The following ZNF793 variants were observed in gnomAD, a reference collection of about 807,000 sequenced individuals.
ZNF793 encodes zinc finger protein 793.
A neutral mutation model predicts 12.4 loss-of-function variants in ZNF793; 5 were observed. That is an observed-to-expected ratio of 0.40 (90% CI 0.21 to 0.84). The LOEUF is 0.84. Among genes scored for constraint, ZNF793 ranks in the 40% least tolerant of loss-of-function variants. The pLI is 0.35. For missense variants in ZNF793, 456 were observed against 495.0 expected (o/e 0.92, Z 0.75); for synonymous variants, 162 against 172.4 (o/e 0.94, Z 0.47).
chr19:37,515,083 T>A (rs2042320734), intron 2 of ZNF793, among the ~76,000 whole-genome samples: 1 of 152,218 alleles, frequency 6.6e-6, no homozygotes, highest in Non-Finnish European at 1.5e-5. Flanking sequence ...CTTCCCTGCT[T>A]TGATTTGCTT....
In ZNF793 at chr19:37,519,027, G is replaced by A. The variant is rs1322768501; in HGVS notation, c.-275-1157G>A. On this transcript the variant is annotated intron_variant, in intron 2 of 7. Coordinates refer to ENST00000627814, the MANE Select transcript of ZNF793 (RefSeq NM_001013659.3). ...CACGCCTGTAATCTCAGCACTTTCC[G>A]AGGCCGAGGTGGGCGGATCACGAGG... is the stretch of plus-strand genomic sequence containing the variant. Among the ~76,000 whole-genome samples, 7 of 152,120 alleles carry A rather than the reference G, an allele frequency of 4.6e-5. No individual in the cohort carries two copies. In the East Asian group the frequency reaches 1.4e-3, roughly 29 times the overall value.
In ZNF793 at chr19:37,542,040, C is replaced by G. The variant is rs1181889769; in HGVS notation, c.*4161C>G. 5.2e-5 allele frequency: 8 copies of G among 153,926 alleles called. 1 individual carries two copies. The South Asian group carries it at 1.4e-3, about 27-fold the overall frequency. 9.5% of individuals were successfully genotyped at this position (153,926 alleles called of 1,614,324 possible). On this transcript the variant is annotated 3_prime_UTR_variant, in exon 8 of 8. Coordinates refer to ENST00000627814, the MANE Select transcript of ZNF793 (RefSeq NM_001013659.3). ...CTATCAGAACAAAAGATGTTACACA[C>G]TGCTGGTGGAGAAATAAATTTTGAA...
intron 7 of ZNF793, chr19:37,536,299 C>T (rs777850996): frequency 3.0e-5 from 12 of 396,018 alleles, no homozygotes; most frequent in Non-Finnish European, 4.9e-5. Context: ...TTGGAATCAC[C>T]GGGGCATCTT....
rs1242804182 is a variant in ZNF793, at chr19:37,538,344, T to C, written c.*465T>C. On this transcript the variant is annotated 3_prime_UTR_variant, in exon 8 of 8. Transcript: ENST00000627814. Reference sequence around the variant, plus strand: ...TTCCCAGGCTGGAGTGCAATGGCACTATCTCGGCTCACTGTAACCTCAGCC... The same window carrying C: ...TTCCCAGGCTGGAGTGCAATGGCACCATCTCGGCTCACTGTAACCTCAGCC... 1.3e-5 allele frequency: 2 copies of C among 153,252 alleles called. No homozygotes were observed. Among genetic ancestry groups the C allele is most frequent in the South Asian group, 2.0e-4 (1 of 4,914 alleles). The allele number at this position is 153,252 out of a possible 1,614,324, so 9.5% of individuals were successfully genotyped here. A position where few individuals can be genotyped will look rare whatever the true frequency, so the allele number is the denominator to read the frequency against.
chr19:37,527,801 A>G (rs1309599246), intron 5 of ZNF793, among the ~76,000 whole-genome samples: 1 of 152,316 alleles, frequency 6.6e-6, no homozygotes, highest in East Asian at 1.9e-4. Context: ...TCATTGTTAC[A>G]ATTACAGCAA....
intron 3 of ZNF793, among the ~76,000 whole-genome samples, chr19:37,520,909 C>T (rs1209021215): frequency 3.3e-5 from 5 of 151,778 alleles, no homozygotes; most frequent in East Asian, 1.9e-4. Flanking sequence ...TTTTTTGAGA[C>T]GGAGTTTCAC....
intron 7 of ZNF793, chr19:37,536,480 G>T (rs2042505766): frequency 2.5e-6 from 1 of 405,226 alleles, no homozygotes; most frequent in East Asian, 3.5e-5. Flanking sequence ...AGCAAACTGT[G>T]GCCTACCGAT....
Position 37,540,660 on chromosome 19 carries a change from A to G in ZNF793, c.*2781A>G, listed in dbSNP as rs2042546337. The G allele has an allele frequency of 6.6e-6, 1 of 152,010 alleles. No individual in the cohort carries two copies. The highest frequency in any genetic ancestry group is 6.6e-5 in the Admixed American group (1 of 15,210). 9.4% of individuals were successfully genotyped at this position (152,010 alleles called of 1,614,324 possible). On this transcript the variant is annotated 3_prime_UTR_variant, in exon 8 of 8. Coordinates refer to ENST00000627814, the MANE Select transcript of ZNF793 (RefSeq NM_001013659.3). ...TGGCTTAGAGATTCCAGTGAAGGCAATAAAAAGAAATGAATTGGTATAAAC... is the reference window on the plus strand; with the variant it reads ...TGGCTTAGAGATTCCAGTGAAGGCAGTAAAAAGAAATGAATTGGTATAAAC...
In ZNF793 at chr19:37,543,073, T is replaced by G. The variant is rs2042561870; in HGVS notation, c.*5194T>G. The G allele has an allele frequency of 6.6e-6, 1 of 152,146 alleles. No homozygotes were observed. Among genetic ancestry groups the G allele is most frequent in the Non-Finnish European group, 1.5e-5 (1 of 68,012 alleles). The allele number at this position is 152,146 out of a possible 1,614,324, so 9.4% of individuals were successfully genotyped here. A position where few individuals can be genotyped will look rare whatever the true frequency, so the allele number is the denominator to read the frequency against. On this transcript the variant is annotated 3_prime_UTR_variant, in exon 8 of 8. Transcript: ENST00000627814. ...GTGGGGATGTTCATGGTATATATTG[T>G]AAAAAGGGAAAATTTCATAATAATG... is the stretch of plus-strand genomic sequence containing the variant.
At chr19:37,525,283 C>T (rs1157163259) in intron 5 of ZNF793, among the ~76,000 whole-genome samples, 2 of 151,808 alleles carry the variant, frequency 1.3e-5, no homozygotes, top group African/African-American at 2.4e-5. Flanking sequence ...GGACTACAGG[C>T]GCCTGCCACC....
intron 7 of ZNF793, 191 bp from the exon 8 acceptor site, chr19:37,536,706 T>G (rs1411725569): frequency 3.2e-6 from 2 of 616,648 alleles, no homozygotes; most frequent in Non-Finnish European, 5.5e-6. Flanking sequence ...GTCTCTATAC[T>G]CTATGATATA....
chr19:37,535,042 T>C (rs1389204191), intron 7 of ZNF793: 3 of 152,416 alleles, frequency 2.0e-5, no homozygotes, highest in African/African-American at 4.8e-5. Flanking sequence ...TCACCCAGGC[T>C]GGAATGCAGT....
chr19:37,537,790 C>CT lies in ZNF793; in HGVS notation c.1132_1133insT (p.Gln378LeufsTer21), dbSNP rs2042520359. ...CAATGAATGTGGGAAAGCTTTCTAC[C>CT]AGAAGCCAAACCTCAGCAGACATCA... On this transcript the variant is annotated frameshift_variant, in exon 8 of 8. Transcript: ENST00000627814. LOFTEE classifies it low-confidence loss of function (END_TRUNC). The CT allele has an allele frequency of 6.2e-7, 1 of 1,613,878 alleles. No individual in the cohort carries two copies. The highest frequency in any genetic ancestry group is 1.7e-5 in the Admixed American group (1 of 59,982).
At chr19:37,512,283 G>C (rs923526416) in intron 2 of ZNF793, among the ~76,000 whole-genome samples, 2 of 152,112 alleles carry the variant, frequency 1.3e-5, no homozygotes, top group African/African-American at 4.8e-5. Context: ...TTGGGAGGCC[G>C]AGGTGGGTGG....
chr19:37,533,041 A>C (rs1156316355), intron 6 of ZNF793, among the ~76,000 whole-genome samples: 1 of 152,162 alleles, frequency 6.6e-6, no homozygotes, highest in Non-Finnish European at 1.5e-5. Flanking sequence ...ACTTGCCCAG[A>C]GTCACCCAGC....
intron 1 of ZNF793, among the ~76,000 whole-genome samples, chr19:37,507,774 G>A (rs2042262187): frequency 6.6e-6 from 1 of 152,180 alleles, no homozygotes; most frequent in African/African-American, 2.4e-5. Context: ...ATTGGGGGCT[G>A]TGTAATTTCA....
At chr19:37,510,468 T>C (rs1479882765) in intron 2 of ZNF793, among the ~76,000 whole-genome samples, 1 of 149,326 alleles carries the variant, frequency 6.7e-6, no homozygotes, top group East Asian at 2.0e-4. Context: ...TGAGCCGAGA[T>C]TGCACCACTG....
chr19:37,511,753 C>T (rs928763171), intron 2 of ZNF793, among the ~76,000 whole-genome samples: 5 of 152,188 alleles, frequency 3.3e-5, no homozygotes, highest in African/African-American at 1.2e-4. Flanking sequence ...TCCCTGGAAG[C>T]CAAAAACATA....
intron 2 of ZNF793, among the ~76,000 whole-genome samples, chr19:37,514,838 G>T (rs2042319137): frequency 6.6e-6 from 1 of 152,050 alleles, no homozygotes; most frequent in Admixed American, 6.6e-5. Context: ...CAATATTAAA[G>T]AATTTACTAA....
Sources: allele counts gnomAD v4.1 joint callset (sites outside exome capture counted in the v4.1 genomes callset), GRCh38; gene constraint gnomAD v4.1.1; transcripts MANE v1.5; gene names NCBI Gene and HGNC (gene_info 2026-07-23, HGNC 2026-07-21).